Variants in NRCAM observed in about 807,000 individuals in gnomAD.
NRCAM encodes the protein NgCAM-related cell adhesion molecule.
Under a neutral mutation model 156.5 loss-of-function variants are expected in NRCAM, and 83 were observed. The observed-to-expected ratio is 0.53, with a 90% confidence interval of 0.44 to 0.64. NRCAM has a LOEUF of 0.64. Ranked by LOEUF, NRCAM falls within the 30% of genes least tolerant of loss-of-function variation. The pLI, the probability that NRCAM is intolerant of heterozygous loss-of-function variation, is 0.00. For synonymous variants in NRCAM, 538 were observed against 563.9 expected (o/e 0.95, Z 0.65); for missense variants, 1,417 against 1,597.3 (o/e 0.89, Z 1.92).
intron 20 of NRCAM, among the ~76,000 whole-genome samples, chr7:108,188,230 A>T (rs543929871): frequency 2.0e-5 from 3 of 152,150 alleles, no homozygotes; most frequent in Middle Eastern, 3.4e-3. Flanking sequence ...GACTTCTGGG[A>T]CCTTTGCTGT....
At chr7:108,219,026 T>C (rs1256598917) in intron 11 of NRCAM, among the ~76,000 whole-genome samples, 1 of 152,092 alleles carries the variant, frequency 6.6e-6, no homozygotes, top group Non-Finnish European at 1.5e-5. Context: ...AAAAGGGAGA[T>C]ATTACAACTG....
At chr7:108,328,085 A>C (rs2099088983) in intron 2 of NRCAM, among the ~76,000 whole-genome samples, 1 of 152,228 alleles carries the variant, frequency 6.6e-6, no homozygotes, top group Non-Finnish European at 1.5e-5. Flanking sequence ...CAAACATACC[A>C]GCACTTAATT....
chr7:108,338,638 CACAGAGAGGAG>C (rs1347526529), intron 2 of NRCAM, among the ~76,000 whole-genome samples: 15 of 122,150 alleles, frequency 1.2e-4, no homozygotes, highest in African/African-American at 3.3e-4. Context: ...AGGGGAGAGA[CACAGAGAGGAG>C]AAAGAGGCAG....
At chr7:108,271,841 T>C (rs1292406684) in intron 3 of NRCAM, among the ~76,000 whole-genome samples, 1 of 152,224 alleles carries the variant, frequency 6.6e-6, no homozygotes, top group Admixed American at 6.5e-5. Flanking sequence ...ACTCACACTC[T>C]TCCTGGCATA....
At chr7:108,360,715 T>C (rs1376987091) in intron 2 of NRCAM, among the ~76,000 whole-genome samples, 1 of 152,180 alleles carries the variant, frequency 6.6e-6, no homozygotes, top group Admixed American at 6.5e-5. Context: ...TGATTGTTGA[T>C]AAGGGTGTCA....
intron 1 of NRCAM, among the ~76,000 whole-genome samples, chr7:108,418,068 G>A (rs1563719545): frequency 6.6e-6 from 1 of 152,068 alleles, no homozygotes; most frequent in Non-Finnish European, 1.5e-5. Flanking sequence ...CTTACATCAT[G>A]CCCACAGAAG....
At chr7:108,432,387 G>A (rs1826351991) in intron 1 of NRCAM, among the ~76,000 whole-genome samples, 1 of 152,178 alleles carries the variant, frequency 6.6e-6, no homozygotes, top group African/African-American at 2.4e-5. Context: ...ACAAGACTAT[G>A]GATTTCTACG....
In NRCAM at chr7:108,431,063, T is replaced by C. The variant is rs114245944; in HGVS notation, c.-332+25180A>G. Among the ~76,000 whole-genome samples, 1,289 of 152,308 alleles carry C rather than the reference T, an allele frequency of 8.5e-3. 25 individuals are homozygous for C. The highest frequency in any genetic ancestry group is 0.029 in the African/African-American group (1,206 of 41,562). The stretch of plus-strand genomic sequence containing the variant: ...TGAATGAATAAATAAACAATACTAA[T>C]ATTTGCCACCATCTTTCACTTTTTC... On this transcript the variant is annotated intron_variant, in intron 1 of 32. Transcript: ENST00000379028.
rs114576940 is a variant in NRCAM at position 108,365,092 on chromosome 7, A to C, written c.-174+34344T>G. ...ACAAGCTCATGGTGCTGGGGAGTAT[A>C]ATCTTTGAAGAGACTTACATACACT... On this transcript the variant is annotated intron_variant, in intron 2 of 32. Transcript: ENST00000379028. Among the ~76,000 whole-genome samples the C allele has an allele frequency of 6.3e-3, 965 of 152,316 alleles. 9 individuals are homozygous for C. The highest frequency in any genetic ancestry group is 0.02 in the African/African-American group (827 of 41,556).
chr7:108,194,016 T>G lies in NRCAM; in HGVS notation c.1778+8A>C. The G allele has an allele frequency of 6.2e-7, 1 of 1,612,382 alleles. No individual in the cohort carries two copies. Among genetic ancestry groups the G allele is most frequent in the Non-Finnish European group, 8.5e-7 (1 of 1,179,114 alleles). On this transcript the variant is annotated splice_region_variant and intron_variant, in intron 17 of 32. Coordinates refer to ENST00000379028, the MANE Select transcript of NRCAM (RefSeq NM_001037132.4). ...TGAAGAGAAAGTAAAGAAATCGTCT[T>G]CAAATACCTTTCATCACTGGGCAGT...
In NRCAM at chr7:108,148,306, C is replaced by CA. The variant is rs777195693; in HGVS notation, c.*1603dup. 4 of 152,610 alleles carry CA rather than the reference C, an allele frequency of 2.6e-5. No individual in the cohort carries two copies. Among genetic ancestry groups the CA allele is most frequent in the African/African-American group, 7.2e-5 (3 of 41,440 alleles). 9.5% of individuals were successfully genotyped at this position (152,610 alleles called of 1,614,324 possible). A position where few individuals can be genotyped will look rare whatever the true frequency, so the allele number is the denominator to read the frequency against. On this transcript the variant is annotated 3_prime_UTR_variant, in exon 33 of 33. Transcript: ENST00000379028. ...TACCTCTTATACAGTACAACATAAACATTGCATGTTTATTTGTATGTAACA... is the reference window on the plus strand; with the variant it reads ...TACCTCTTATACAGTACAACATAAACAATTGCATGTTTATTTGTATGTAACA...
At chr7:108,267,056 G>A (rs1437647562) in intron 3 of NRCAM, among the ~76,000 whole-genome samples, 1 of 152,126 alleles carries the variant, frequency 6.6e-6, no homozygotes, top group African/African-American at 2.4e-5. Context: ...TATTCCAATA[G>A]GGTGTTATAA....
chr7:108,388,208 T>C (rs2099747611), intron 2 of NRCAM, among the ~76,000 whole-genome samples: 1 of 152,182 alleles, frequency 6.6e-6, no homozygotes, highest in Non-Finnish European at 1.5e-5. Context: ...CTCCACATCC[T>C]CTCCAGCACC....
chr7:108,182,724 G>C lies in NRCAM; in HGVS notation c.2501C>G (p.Ala834Gly). Residue 834 changes from alanine (A) to glycine (G), a missense_variant, in exon 23 of 33, where the codon GCT becomes GGT. By Grantham distance (60) the Ala-to-Gly change is moderately conservative (BLOSUM62 0). Coordinates refer to ENST00000379028, the MANE Select transcript of NRCAM (RefSeq NM_001037132.4). ...LNDMGFAPEP[A>G]VVMGHSGEDL... The stretch of plus-strand genomic sequence containing the variant: ...TTCTCCAGAATGTCCCATGACTACA[G>C]CTGGCTCGGGGGCAAACCCCATGTC... 1 of 1,614,232 alleles carries C rather than the reference G, an allele frequency of 6.2e-7. No homozygotes were observed. The highest frequency in any genetic ancestry group is 8.5e-7 in the Non-Finnish European group (1 of 1,180,034).
intron 1 of NRCAM, among the ~76,000 whole-genome samples, chr7:108,417,692 C>A (rs1157413415): frequency 6.6e-6 from 1 of 152,188 alleles, no homozygotes; most frequent in African/African-American, 2.4e-5. Context: ...ACTTCTAAAT[C>A]TCTGGACACT....
intron 28 of NRCAM, among the ~76,000 whole-genome samples, chr7:108,172,857 T>A (rs1327721959): frequency 6.6e-6 from 1 of 152,190 alleles, no homozygotes; most frequent in Non-Finnish European, 1.5e-5. Context: ...TTAACATCTC[T>A]TAAAATCTGT....
At chr7:108,226,161 A>G (rs890206248) in intron 9 of NRCAM, 47 bp downstream of exon 9, 1 of 1,373,740 alleles carries the variant, frequency 7.3e-7, no homozygotes, top group Admixed American at 2.1e-5. Context: ...TTTTGCACAT[A>G]TTTGTAAATG....
intron 3 of NRCAM, among the ~76,000 whole-genome samples, chr7:108,257,753 T>C (rs2096739974): frequency 6.6e-6 from 1 of 152,198 alleles, no homozygotes; most frequent in African/African-American, 2.4e-5. Context: ...ATTTTTATGA[T>C]ATATTAAGAC....
rs781769384 is a variant in NRCAM, at chr7:108,176,562, G to C, written c.3019C>G (p.Pro1007Ala). 6.2e-7 allele frequency: 1 copy of C among 1,613,598 alleles called. No individual in the cohort carries two copies. Residue 1007 changes from proline to alanine, a missense_variant, in exon 27 of 33, where the codon CCT becomes GCT. Transcript: ENST00000379028. The part of the protein sequence containing the change: ...ELGPLVDLKI[P>A]ANKTRWTLKN... ...AAAGTCCACCGTGTCTTGTTGGCAG[G>C]AATTTTCAAATCTACCAGAGGGCCT...
Sources: allele counts gnomAD v4.1 joint callset (sites outside exome capture counted in the v4.1 genomes callset), GRCh38; gene constraint gnomAD v4.1.1; transcripts MANE v1.5; gene names NCBI Gene and HGNC (gene_info 2026-07-23, HGNC 2026-07-21).